RANBP2: variants seen among roughly 807,000 people sequenced by gnomAD.
RANBP2 encodes the protein RAN binding protein 2, also known as E3 SUMO-protein ligase RanBP2.
A neutral mutation model predicts 303.6 loss-of-function variants in RANBP2; 57 were observed. That is an observed-to-expected ratio of 0.19 (90% CI 0.15 to 0.23). The LOEUF (loss-of-function observed/expected upper bound fraction) is 0.23. Ranked by LOEUF, RANBP2 falls within the 10% of genes least tolerant of loss-of-function variation. The pLI is 1.00. For missense variants in RANBP2, 3,138 were observed against 3,780.8 expected (o/e 0.83, Z 4.46); for synonymous variants, 1,167 against 1,301.5 (o/e 0.90, Z 2.23).
chr2:109,381,476 C>T, the RANBP2 span, among the ~76,000 whole-genome samples: 4 of 152,152 alleles, frequency 2.6e-5, no homozygotes, highest in Non-Finnish European at 5.9e-5. Context: ...ACCTACCCTC[C>T]GCAGGGCATC....
the RANBP2 span, among the ~76,000 whole-genome samples, chr2:109,470,624 T>C: frequency 6.6e-6 from 1 of 152,340 alleles, no homozygotes; most frequent in South Asian, 2.1e-4. Flanking sequence ...CCAAGCTCCC[T>C]GGACTGGCTC....
At chr2:108,788,932 T>C (rs986525757), downstream of RANBP2, 6 of 1,614,134 alleles carry the variant, frequency 3.7e-6, no homozygotes, top group Non-Finnish European at 5.1e-6. Context: ...TAGAACACCA[T>C]TGGGCAGCTT....
At chr2:109,521,537 T>C in the RANBP2 span, among the ~76,000 whole-genome samples, 3 of 152,336 alleles carry the variant, frequency 2.0e-5, no homozygotes, top group East Asian at 5.8e-4. Context: ...GAGTAGATGA[T>C]CACACGGAGC....
chr2:109,693,363 G>A, the RANBP2 span, among the ~76,000 whole-genome samples: 25 of 151,978 alleles, frequency 1.6e-4, 1 homozygote, highest in South Asian at 2.9e-3. Context: ...TAGTAGAGAC[G>A]GGGTTTCACT....
chr2:108,924,623 G>A, the RANBP2 span, among the ~76,000 whole-genome samples: 18 of 152,180 alleles, frequency 1.2e-4, no homozygotes, highest in African/African-American at 4.1e-4. Flanking sequence ...ACGGGGGTCT[G>A]TGGGCTCCTG....
the RANBP2 span, among the ~76,000 whole-genome samples, chr2:109,065,368 G>A: frequency 6.6e-6 from 1 of 152,072 alleles, no homozygotes; most frequent in Non-Finnish European, 1.5e-5. Context: ...GACGGCTTTT[G>A]CTTATCTTTG....
chr2:109,415,460 C>T, the RANBP2 span, among the ~76,000 whole-genome samples: 2 of 152,298 alleles, frequency 1.3e-5, no homozygotes, highest in Admixed American at 1.3e-4. Flanking sequence ...GCTACCATCA[C>T]GGGTGCTACA....
the RANBP2 span, chr2:109,398,629 C>T: frequency 7.5e-6 from 12 of 1,593,416 alleles, no homozygotes; most frequent in Non-Finnish European, 1.0e-5. Flanking sequence ...GATGGACAAG[C>T]CATGCCCAGC....
chr2:108,812,560 G>A, the RANBP2 span: 10 of 1,122,926 alleles, frequency 8.9e-6, no homozygotes, highest in Non-Finnish European at 1.3e-5. Flanking sequence ...TTAGATAGTA[G>A]ATTGGGAAAC....
the RANBP2 span, among the ~76,000 whole-genome samples, chr2:109,046,196 C>T: frequency 1.3e-5 from 2 of 149,960 alleles, no homozygotes; most frequent in East Asian, 2.1e-4. Context: ...CCCAGCTACT[C>T]GGGAGGCTGA....
At chr2:109,033,723 C>G in the RANBP2 span, among the ~76,000 whole-genome samples, 47 of 148,484 alleles carry the variant, frequency 3.2e-4, no homozygotes, top group Middle Eastern at 3.8e-3. Context: ...GAGGCTGAGG[C>G]GGGTGGATCA....
the RANBP2 span, among the ~76,000 whole-genome samples, chr2:109,088,127 G>C: frequency 4.6e-5 from 7 of 152,202 alleles, no homozygotes; most frequent in South Asian, 2.1e-4. Flanking sequence ...GGCCGGGTAC[G>C]GTGGCTCACA....
At chr2:109,342,889 G>A in the RANBP2 span, among the ~76,000 whole-genome samples, 1 of 152,260 alleles carries the variant, frequency 6.6e-6, no homozygotes, top group Non-Finnish European at 1.5e-5. Context: ...ATGCCTTGCA[G>A]GGGTGGCTGA....
chr2:109,241,768 ATT>A, the RANBP2 span, among the ~76,000 whole-genome samples: 11 of 143,400 alleles, frequency 7.7e-5, no homozygotes, highest in East Asian at 2.0e-4. Context: ...GTCTTGAATA[ATT>A]TTTTTTTTTT....
chr2:108,801,968 G>A, the RANBP2 span, among the ~76,000 whole-genome samples: 1 of 87,168 alleles, frequency 1.1e-5, no homozygotes, highest in Non-Finnish European at 2.4e-5. Context: ...TGAGGGCTCT[G>A]TTCTGTTCCA....
chr2:109,190,426 G>A, the RANBP2 span, among the ~76,000 whole-genome samples: 8 of 152,146 alleles, frequency 5.3e-5, no homozygotes, highest in Non-Finnish European at 7.4e-5. Flanking sequence ...CACCCGCCTC[G>A]GCCACCCAAA....
chr2:108,846,077 A>C, the RANBP2 span, among the ~76,000 whole-genome samples: 3 of 152,138 alleles, frequency 2.0e-5, no homozygotes, highest in African/African-American at 7.2e-5. Flanking sequence ...AGTTAGCTGA[A>C]GGGACTGAGG....
the RANBP2 span, among the ~76,000 whole-genome samples, chr2:109,011,760 C>T: frequency 5.3e-5 from 8 of 152,152 alleles, no homozygotes; most frequent in African/African-American, 1.9e-4. Context: ...TACTTGAATT[C>T]AAAACCCATC....
the RANBP2 span, among the ~76,000 whole-genome samples, chr2:109,244,305 G>T: frequency 6.6e-6 from 1 of 152,190 alleles, no homozygotes; most frequent in Non-Finnish European, 1.5e-5. Context: ...AGGCAAATGT[G>T]CACATTTTGC....
Sources: gnomAD v4.1 joint callset for allele counts (sites outside exome capture counted in the v4.1 genomes callset) on GRCh38, gnomAD v4.1.1 for gene constraint, MANE v1.5 for transcripts, NCBI Gene and HGNC (gene_info 2026-07-23, HGNC 2026-07-21) for gene names.